TMEM91: variants seen among roughly 807,000 people sequenced by gnomAD.
TMEM91 encodes dispanin subfamily C member 3.
Under a neutral mutation model 13.3 loss-of-function variants are expected in TMEM91, and 6 were observed. That is an observed-to-expected ratio of 0.45 (90% CI 0.25 to 0.89). The LOEUF (loss-of-function observed/expected upper bound fraction) is 0.89, where lower values mean the gene tolerates loss of function less well. Ranked by LOEUF, TMEM91 falls within the 40% of genes least tolerant of loss-of-function variation. The probability of loss-of-function intolerance (pLI) is 0.19; values close to 1 mark genes in which losing one functional copy is unlikely to be tolerated. For missense variants in TMEM91, 193 were observed against 228.7 expected, an observed-to-expected ratio of 0.84 and a Z score of 1.01; for synonymous variants, 87 against 101.7, an observed-to-expected ratio of 0.86 and a Z score of 0.87.
At chr19:41,372,802 A>G (rs2038645190), upstream of TMEM91, among the ~76,000 whole-genome samples, 1 of 152,064 alleles carries the variant, frequency 6.6e-6, no homozygotes, top group Admixed American at 6.6e-5. Context: ...TTTTTGTTAT[A>G]ATAAGTAATC....
At chr19:41,371,611 G>T (rs1407726337), upstream of TMEM91, among the ~76,000 whole-genome samples, 1 of 150,934 alleles carries the variant, frequency 6.6e-6, no homozygotes, top group African/African-American at 2.4e-5. Context: ...GTAGAGATGG[G>T]GTTTCACCAT....
intron 1 of TMEM91, among the ~76,000 whole-genome samples, chr19:41,368,240 C>T (rs768078319): frequency 6.6e-6 from 1 of 151,650 alleles, no homozygotes; most frequent in Non-Finnish European, 1.5e-5. Context: ...GTGAGACCCT[C>T]ATTTCTACGA....
At chr19:41,378,035 CAAAA>C (rs11449744) in intron 1 of TMEM91, among the ~76,000 whole-genome samples, 1 of 101,722 alleles carries the variant, frequency 9.8e-6, no homozygotes, top group Non-Finnish European at 1.9e-5. Context: ...GACTTTGTCT[CAAAA>C]AAAAAAAAAA....
chr19:41,372,343 T>C (rs2123170203), upstream of TMEM91, among the ~76,000 whole-genome samples: 3 of 151,718 alleles, frequency 2.0e-5, no homozygotes, highest in Middle Eastern at 0.01. Flanking sequence ...GAGACTTCCT[T>C]TAAAAAAAAA....
At chr19:41,378,610 G>T in intron 2 of TMEM91, 91 bp downstream of exon 2, 1 of 1,360,102 alleles carries the variant, frequency 7.4e-7, no homozygotes. Context: ...CAGCTGTGCC[G>T]ATCTGCCTTA....
rs1313148451 is a variant in TMEM91, at chr19:41,364,925, A to G, written c.-30+830A>G. ...GGTCTCACTCTGTCACCCAGGCTGG[A>G]GTACGGTGGCTCGATCACAGCTCAT... On this transcript the variant is annotated intron_variant, in intron 1 of 3. Coordinates refer to the TMEM91 transcript ENST00000413014. Among the ~76,000 whole-genome samples the G allele has an allele frequency of 3.3e-5, 5 of 152,038 alleles. No individual in the cohort carries two copies. In the East Asian group the frequency reaches 9.7e-4, roughly 29 times the overall value.
chr19:41,380,114 C>T (rs1033563759), intron 2 of TMEM91, among the ~76,000 whole-genome samples: 1 of 151,868 alleles, frequency 6.6e-6, no homozygotes, highest in Non-Finnish European at 1.5e-5. Flanking sequence ...AGGTTGGTCT[C>T]AAACTCCTGA....
chr19:41,381,721 A>T (rs1003078831), intron 2 of TMEM91, among the ~76,000 whole-genome samples: 3 of 151,888 alleles, frequency 2.0e-5, no homozygotes, highest in Non-Finnish European at 4.4e-5. Flanking sequence ...TGTATTGCCC[A>T]GGCTGGTCTC....
intron 1 of TMEM91, among the ~76,000 whole-genome samples, chr19:41,369,301 C>G (rs963386973): frequency 1.3e-5 from 2 of 152,082 alleles, no homozygotes; most frequent in African/African-American, 4.8e-5. Context: ...CCTCAGCCTC[C>G]CAAGTAGCTG....
At chr19:41,371,719 C>T (rs1410379477), upstream of TMEM91, among the ~76,000 whole-genome samples, 1 of 151,970 alleles carries the variant, frequency 6.6e-6, no homozygotes, top group Non-Finnish European at 1.5e-5. Context: ...CACCCGGCCA[C>T]TATCTTATTT....
At chr19:41,378,563 G>A in intron 2 of TMEM91, 44 bp downstream of exon 2, 1 of 1,599,736 alleles carries the variant, frequency 6.3e-7, no homozygotes, top group Non-Finnish European at 8.5e-7. Context: ...GAGGGGGCTG[G>A]GGTGAGCCCC....
Position 41,370,742 on chromosome 19 carries a change from G to T in TMEM91, c.-30+6647G>T, listed in dbSNP as rs141185619. ...TTTTGAGAGGAAGTCTCATTGTGTT[G>T]CCTAGGCTGTGGTGTAGCAACGTGA... On this transcript the variant is annotated intron_variant, in intron 1 of 3. Transcript: ENST00000413014. 4.4e-3 allele frequency among the ~76,000 whole-genome samples: 661 copies of T among 150,930 alleles called. 2 individuals are homozygous for T. Among genetic ancestry groups the T allele is most frequent in the African/African-American group, 0.015 (607 of 41,044 alleles).
At chr19:41,381,494 G>C (rs1599932613) in intron 2 of TMEM91, among the ~76,000 whole-genome samples, 1 of 151,854 alleles carries the variant, frequency 6.6e-6, no homozygotes, top group East Asian at 1.9e-4. Flanking sequence ...CAGAGTAGCT[G>C]GGACTACAGG....
upstream of TMEM91, among the ~76,000 whole-genome samples, chr19:41,371,636 T>C (rs530725954): frequency 6.6e-6 from 1 of 152,098 alleles, no homozygotes; most frequent in South Asian, 2.1e-4. Flanking sequence ...GCCAGGATGA[T>C]CTCGATCTCT....
chr19:41,368,867 C>T (rs2038570059), intron 1 of TMEM91, among the ~76,000 whole-genome samples: 1 of 151,998 alleles, frequency 6.6e-6, no homozygotes, highest in Non-Finnish European at 1.5e-5. Flanking sequence ...GTAATCCCAG[C>T]ACTTTGTGAG....
chr19:41,374,923 C>G (rs537996974), upstream of TMEM91, among the ~76,000 whole-genome samples: 1 of 152,212 alleles, frequency 6.6e-6, no homozygotes, highest in Non-Finnish European at 1.5e-5. Flanking sequence ...GCGGAGGTTG[C>G]GGTGAGCCGA....
chr19:41,383,548 A>C, intron 3 of TMEM91, 167 bp from the exon 4 acceptor site: 1 of 1,587,802 alleles, frequency 6.3e-7, no homozygotes, highest in South Asian at 1.2e-5. Flanking sequence ...TAATGTTTTT[A>C]TTAACCACTC....
rs990177672 is a variant in TMEM91, at chr19:41,376,725, G to T, written c.-159G>T. The T allele has an allele frequency of 3.3e-5, 5 of 152,250 alleles. No individual in the cohort carries two copies. The highest frequency in any genetic ancestry group is 7.3e-5 in the Non-Finnish European group (5 of 68,062). 9.4% of individuals were successfully genotyped at this position (152,250 alleles called of 1,614,324 possible). ...CGCCCCGTCCCCGCCCCCGCGCGCAGCGGGCCCGGGGCGCTGAGACCCGCG... is the reference window on the plus strand; with the variant it reads ...CGCCCCGTCCCCGCCCCCGCGCGCATCGGGCCCGGGGCGCTGAGACCCGCG... On this transcript the variant is annotated 5_prime_UTR_variant, in exon 1 of 4. Coordinates refer to ENST00000392002, the MANE Select transcript of TMEM91 (RefSeq NM_001098821.2).
rs570668778 is a variant in TMEM91, at chr19:41,364,426, C to T, written c.-30+331C>T. ...GCAAATCCCTAACTGCTCCGTGCTGCGCCTACCCCACCGAAGAGCTCTCTG... is the reference window on the plus strand; with the variant it reads ...GCAAATCCCTAACTGCTCCGTGCTGTGCCTACCCCACCGAAGAGCTCTCTG... On this transcript the variant is annotated intron_variant, in intron 1 of 3. Transcript: ENST00000413014. Among the ~76,000 whole-genome samples, 8 of 152,032 alleles carry T rather than the reference C, an allele frequency of 5.3e-5. No individual in the cohort carries two copies. The East Asian group carries it at 1.5e-3, about 29-fold the overall frequency.
Sources: allele counts gnomAD v4.1 joint callset (sites outside exome capture counted in the v4.1 genomes callset), GRCh38; gene constraint gnomAD v4.1.1; transcripts MANE v1.5; gene names NCBI Gene and HGNC (gene_info 2026-07-23, HGNC 2026-07-21).